Variants in TRPM4 observed in about 807,000 individuals in gnomAD.
TRPM4 encodes the protein calcium-activated non-selective cation channel 1.
TRPM4 carries 124 observed loss-of-function variants against 135.6 expected under a neutral mutation model. That is an observed-to-expected ratio of 0.91 (90% CI 0.79 to 1.06). The LOEUF is 1.06. Ranked by LOEUF, TRPM4 falls within the 50% of genes least tolerant of loss-of-function variation. The pLI is 0.00. For missense variants in TRPM4, 1,658 were observed against 1,671.4 expected (o/e 0.99, Z 0.14); for synonymous variants, 745 against 705.6 (o/e 1.06, Z -0.88).
At chr19:49,174,987 T>G (rs1967620887) in intron 9 of TRPM4, among the ~76,000 whole-genome samples, 1 of 151,136 alleles carries the variant, frequency 6.6e-6, no homozygotes, top group Non-Finnish European at 1.5e-5. Flanking sequence ...CACTACAGTC[T>G]TGACCTCCTG....
chr19:49,196,445 C>A lies in TRPM4; in HGVS notation c.2216C>A (p.Ala739Glu). 6.5e-7 allele frequency: 1 copy of A among 1,540,042 alleles called. No individual in the cohort carries two copies. Among genetic ancestry groups the A allele is most frequent in the South Asian group, 1.2e-5 (1 of 82,094 alleles). The change falls in exon 17 of 25, where the codon GCG (alanine) becomes GAG (glutamate). Residue 739 changes from alanine to glutamate, a missense_variant. By Grantham distance (107) the Ala-to-Glu change is moderately radical. Coordinates refer to ENST00000252826, the MANE Select transcript of TRPM4 (RefSeq NM_017636.4). ...TCTCTTCTCTTCCCCCACAGGACGGCGGACCCAGCCGAGAAGACGCCGCTG... is the reference window on the plus strand; with the variant it reads ...TCTCTTCTCTTCCCCCACAGGACGGAGGACCCAGCCGAGAAGACGCCGCTG... ...VINGEGPVGT[A>E]DPAEKTPLGV...
In TRPM4 at chr19:49,166,223, G is replaced by A; in HGVS notation, c.267+8G>A. 2 of 1,589,700 alleles carry A rather than the reference G, an allele frequency of 1.3e-6. No individual in the cohort carries two copies. Among genetic ancestry groups the A allele is most frequent in the Non-Finnish European group, 1.7e-6 (2 of 1,169,252 alleles). ...GGCCGCAAGCACAGCAATGTGAGGC[G>A]GGCCTCTGTGGGCGGGGCCCGGGCA... is the stretch of plus-strand genomic sequence containing the variant. On this transcript the variant is annotated splice_region_variant and intron_variant, in intron 3 of 24. Transcript: ENST00000252826.
At chr19:49,196,927 C>T in intron 17 of TRPM4, 53 bp downstream of exon 17, 3 of 1,511,690 alleles carry the variant, frequency 2.0e-6, no homozygotes, top group Non-Finnish European at 2.7e-6. Context: ...CTCATCCTTC[C>T]TGCCCACTCC....
At chr19:49,165,548 C>A (rs1016088839) in intron 2 of TRPM4, among the ~76,000 whole-genome samples, 5 of 152,096 alleles carry the variant, frequency 3.3e-5, no homozygotes, top group Non-Finnish European at 5.9e-5. Flanking sequence ...CCTCATAGCT[C>A]CGTGGAGTAG....
chr19:49,187,314 C>T (rs1968235014), intron 12 of TRPM4, among the ~76,000 whole-genome samples: 1 of 151,800 alleles, frequency 6.6e-6, no homozygotes, highest in Non-Finnish European at 1.5e-5. Context: ...GTTCCCTACA[C>T]TGGCATTTTT....
At chr19:49,187,615 G>A (rs1968246249) in intron 12 of TRPM4, among the ~76,000 whole-genome samples, 1 of 152,098 alleles carries the variant, frequency 6.6e-6, no homozygotes, top group Non-Finnish European at 1.5e-5. Context: ...CCACCCAATG[G>A]GTTCACGTTG....
intron 12 of TRPM4, among the ~76,000 whole-genome samples, chr19:49,187,491 C>A (rs1477721518): frequency 6.6e-6 from 1 of 151,582 alleles, no homozygotes; most frequent in Non-Finnish European, 1.5e-5. Flanking sequence ...ACTACAGAAG[C>A]AGACCACCAC....
intron 3 of TRPM4, 79 bp downstream of exon 3, chr19:49,166,294 C>G: frequency 2.1e-6 from 3 of 1,435,860 alleles, no homozygotes; most frequent in Non-Finnish European, 1.9e-6. Context: ...CCGGGACGCC[C>G]GCCCTGAACC....
intron 9 of TRPM4, among the ~76,000 whole-genome samples, chr19:49,177,086 T>G (rs1448294851): frequency 6.6e-6 from 1 of 152,004 alleles, no homozygotes; most frequent in Non-Finnish European, 1.5e-5. Flanking sequence ...GGTACATCCT[T>G]CAATATAAGG....
Position 49,166,240 on chromosome 19 carries a change from G to A in TRPM4, c.267+25G>A, listed in dbSNP as rs368432195. 4.2e-5 allele frequency: 66 copies of A among 1,572,774 alleles called. No individual in the cohort carries two copies. The African/African-American group carries it at 7.5e-4, about 18-fold the overall frequency. ...TGTGAGGCGGGCCTCTGTGGGCGGG[G>A]CCCGGGCACCAGGGGGCTGCATGCT... On this transcript the variant is annotated intron_variant, in intron 3 of 24. Transcript: ENST00000252826.
At chr19:49,192,793 C>T (rs771334812) in intron 16 of TRPM4, among the ~76,000 whole-genome samples, 1 of 151,918 alleles carries the variant, frequency 6.6e-6, no homozygotes, top group Non-Finnish European at 1.5e-5. Context: ...AATTTACCTA[C>T]CTAACAAACC....
Position 49,171,502 on chromosome 19 carries a change from T to TG in TRPM4, c.859-71dup. ...TGGGTCCTGAGTCTTAGGGAGGGTC[T>TG]GGGGGTCTGACTCCGGGTAGGGTGA... On this transcript the variant is annotated intron_variant, in intron 7 of 24. Transcript: ENST00000252826. The surrounding 1 kb of genome is among the most constrained non-coding windows in gnomAD (Gnocchi z 4.7). 1 of 1,611,106 alleles carries TG rather than the reference T, an allele frequency of 6.2e-7. No homozygotes were observed.
At chr19:49,178,075 T>C (rs1967769401) in intron 9 of TRPM4, among the ~76,000 whole-genome samples, 1 of 152,152 alleles carries the variant, frequency 6.6e-6, no homozygotes, top group African/African-American at 2.4e-5. Context: ...TCATGCCTAT[T>C]ATCACAGCAC....
intron 10 of TRPM4, among the ~76,000 whole-genome samples, 180 bp downstream of exon 10, chr19:49,181,641 C>T (rs1340467908): frequency 6.6e-6 from 1 of 150,738 alleles, no homozygotes; most frequent in Non-Finnish European, 1.5e-5. Context: ...ACGCCATTCT[C>T]CTGCCTCAGC....
chr19:49,175,067 C>CTT (rs772062913), intron 9 of TRPM4, among the ~76,000 whole-genome samples: 1,900 of 77,456 alleles, frequency 0.025, 110 homozygotes, highest in African/African-American at 0.062. Context: ...TCATGCCTGG[C>CTT]TTTTTTTTTT....
intron 2 of TRPM4, among the ~76,000 whole-genome samples, chr19:49,162,264 C>T (rs1966993398): frequency 6.6e-6 from 1 of 152,084 alleles, no homozygotes; most frequent in Admixed American, 6.6e-5. Flanking sequence ...TCAGGCCAGG[C>T]ACAGTGACTC....
chr19:49,210,603 C>G lies in TRPM4; in HGVS notation c.3329-107C>G. The G allele has an allele frequency of 6.4e-7, 1 of 1,564,456 alleles. No homozygotes were observed. Among genetic ancestry groups the G allele is most frequent in the South Asian group, 1.1e-5 (1 of 88,774 alleles). ...GGGGCGGGGCATGTTCTCGAATCACCAGGGGCTGGGTCTGGGATAGCGTGC... is the reference window on the plus strand; with the variant it reads ...GGGGCGGGGCATGTTCTCGAATCACGAGGGGCTGGGTCTGGGATAGCGTGC... On this transcript the variant is annotated intron_variant, in intron 21 of 24. Transcript: ENST00000252826. This position sits in a 1 kb window ranked among gnomAD's most constrained non-coding sequence, Gnocchi z 4.1.
chr19:49,210,701 C>T lies in TRPM4; in HGVS notation c.3329-9C>T. 1.2e-6 allele frequency: 2 copies of T among 1,614,096 alleles called. No homozygotes were observed. On this transcript the variant is annotated splice_polypyrimidine_tract_variant and intron_variant, in intron 21 of 24. Transcript: ENST00000252826. This position sits in a 1 kb window ranked among gnomAD's most constrained non-coding sequence, Gnocchi z 4.1. ...GGCCTGAGCCCTTTGACTCCGCCCGCCCCTGCAGGGGTTTACCTTTCTAAG... is the reference window on the plus strand; with the variant it reads ...GGCCTGAGCCCTTTGACTCCGCCCGTCCCTGCAGGGGTTTACCTTTCTAAG...
intron 20 of TRPM4, among the ~76,000 whole-genome samples, chr19:49,207,744 T>C (rs1568495503): frequency 6.8e-6 from 1 of 147,472 alleles, no homozygotes. Flanking sequence ...ATCGAGACCA[T>C]CCTGGCTAAC....
Sources: gnomAD v4.1 joint callset for allele counts (sites outside exome capture counted in the v4.1 genomes callset) on GRCh38, gnomAD v4.1.1 for gene constraint, Gnocchi (gnomAD v3.1) non-coding constraint, MANE v1.5 for transcripts, NCBI Gene and HGNC (gene_info 2026-07-23, HGNC 2026-07-21) for gene names.